Variants in TGFBRAP1 observed in about 807,000 individuals in gnomAD.
TGFBRAP1 encodes transforming growth factor beta receptor associated protein 1.
A neutral mutation model predicts 83.2 loss-of-function variants in TGFBRAP1; 20 were observed. That is an observed-to-expected ratio of 0.24 (90% CI 0.17 to 0.35). TGFBRAP1 has a LOEUF of 0.35. Among genes scored for constraint, TGFBRAP1 ranks in the 10% least tolerant of loss-of-function variants. TGFBRAP1 has a pLI of 1.00. For missense variants in TGFBRAP1, 950 were observed against 1,099.4 expected, an observed-to-expected ratio of 0.86 and a Z score of 1.92; for synonymous variants, 415 against 459.8, an observed-to-expected ratio of 0.90 and a Z score of 1.25.
chr2:105,290,792 G>C (rs914555529), intron 4 of TGFBRAP1, among the ~76,000 whole-genome samples: 5 of 152,116 alleles, frequency 3.3e-5, no homozygotes, highest in Non-Finnish European at 7.4e-5. Flanking sequence ...ATCACCTGAG[G>C]TCAGGAGTTC....
chr2:105,262,878 C>T (rs1002116685), downstream of TGFBRAP1, among the ~76,000 whole-genome samples: 6 of 152,238 alleles, frequency 3.9e-5, no homozygotes, highest in East Asian at 1.2e-3. Context: ...TTGGACGGTG[C>T]TCCAGCCAGT....
intron 1 of TGFBRAP1, among the ~76,000 whole-genome samples, chr2:105,316,184 C>T (rs1573216976): frequency 1.3e-5 from 2 of 151,942 alleles, no homozygotes; most frequent in African/African-American, 4.8e-5. Flanking sequence ...GAACTAGATG[C>T]GTAAGTGGAA....
intron 4 of TGFBRAP1, among the ~76,000 whole-genome samples, chr2:105,291,114 A>T (rs1677897849): frequency 6.6e-6 from 1 of 152,122 alleles, no homozygotes; most frequent in Non-Finnish European, 1.5e-5. Flanking sequence ...CTATGTTGAA[A>T]CTATTCCCCT....
chr2:105,286,961 T>C (rs1677738425), intron 4 of TGFBRAP1, among the ~76,000 whole-genome samples: 1 of 152,188 alleles, frequency 6.6e-6, no homozygotes, highest in Non-Finnish European at 1.5e-5. Context: ...CATGGCTCTT[T>C]ACTATGCACT....
In TGFBRAP1 at chr2:105,267,555, T is replaced by G. The variant is rs772089397; in HGVS notation, c.2411A>C (p.Lys804Thr). The change falls in exon 12 of 12, where the codon AAG becomes ACG. Residue 804 changes from lysine to threonine, a missense_variant. Transcript: ENST00000393359. ...GAGTTGGATTGAGCTTCCTTTCAACTTCATCTGCAAGAAGAAACCAAGACT... is the reference window on the plus strand; with the variant it reads ...GAGTTGGATTGAGCTTCCTTTCAACGTCATCTGCAAGAAGAAACCAAGACT... Reference protein sequence around the residue: ...ENLIYTYDKMKLKGSSIQLSD... With the variant: ...ENLIYTYDKMTLKGSSIQLSD... 1 of 1,614,180 alleles carries G rather than the reference T, an allele frequency of 6.2e-7. No individual in the cohort carries two copies. Among genetic ancestry groups the G allele is most frequent in the East Asian group, 2.2e-5 (1 of 44,878 alleles).
At chr2:105,257,549 T>TA in the TGFBRAP1 span, among the ~76,000 whole-genome samples, 5 of 152,222 alleles carry the variant, frequency 3.3e-5, no homozygotes, top group Non-Finnish European at 5.9e-5. Flanking sequence ...TCACTTGGCA[T>TA]AATGTCCTCA....
chr2:105,282,584 G>A (rs1161156814), intron 5 of TGFBRAP1, among the ~76,000 whole-genome samples: 1 of 152,118 alleles, frequency 6.6e-6, no homozygotes, highest in Non-Finnish European at 1.5e-5. Context: ...CACCACTTTG[G>A]GAGGCTGGGG....
intron 1 of TGFBRAP1, among the ~76,000 whole-genome samples, chr2:105,312,849 C>T (rs1218897052): frequency 6.6e-6 from 1 of 152,176 alleles, no homozygotes; most frequent in African/African-American, 2.4e-5. Flanking sequence ...TGGTGGCTTA[C>T]ACCTGTAATC....
At chr2:105,291,433 T>A (rs1189157591) in intron 4 of TGFBRAP1, among the ~76,000 whole-genome samples, 1 of 152,184 alleles carries the variant, frequency 6.6e-6, no homozygotes. Context: ...AGTAGAGGTG[T>A]AGTTTTTTAA....
downstream of TGFBRAP1, among the ~76,000 whole-genome samples, chr2:105,263,595 G>A (rs1676838113): frequency 6.6e-6 from 1 of 152,138 alleles, no homozygotes; most frequent in Non-Finnish European, 1.5e-5. Context: ...AATACTCGGG[G>A]GGCCAAGCAT....
intron 1 of TGFBRAP1, among the ~76,000 whole-genome samples, chr2:105,312,367 G>T (rs1004497211): frequency 1.3e-5 from 2 of 152,088 alleles, no homozygotes; most frequent in African/African-American, 2.4e-5. Flanking sequence ...TAATTTAAAA[G>T]ATCAACATTT....
chr2:105,322,826 A>T (rs1490617081), intron 1 of TGFBRAP1, among the ~76,000 whole-genome samples: 1 of 152,224 alleles, frequency 6.6e-6, no homozygotes, highest in Non-Finnish European at 1.5e-5. Context: ...TAACTGATGC[A>T]TGACTGTATA....
At position 105,265,563 on chromosome 2, in the gene TGFBRAP1, G is replaced by A. The variant is rs1480444499; in HGVS notation, c.*1820C>T. On this transcript the variant is annotated 3_prime_UTR_variant, in exon 12 of 12. Coordinates refer to ENST00000393359, the MANE Select transcript of TGFBRAP1 (RefSeq NM_004257.6). Reference sequence around the variant, plus strand: ...TTTAATGGCGCAATGTTGCATATACGGGTAACTTGTTCTTTGAGAAATATA... The same window carrying A: ...TTTAATGGCGCAATGTTGCATATACAGGTAACTTGTTCTTTGAGAAATATA... 1 of 152,572 alleles carries A rather than the reference G, an allele frequency of 6.6e-6. No individual in the cohort carries two copies. The highest frequency in any genetic ancestry group is 6.5e-5 in the Admixed American group (1 of 15,270). 9.5% of individuals were successfully genotyped at this position (152,572 alleles called of 1,614,324 possible). A position where few individuals can be genotyped will look rare whatever the true frequency, so the allele number is the denominator to read the frequency against.
intron 3 of TGFBRAP1, among the ~76,000 whole-genome samples, chr2:105,297,565 T>C (rs1678129139): frequency 6.6e-6 from 1 of 152,244 alleles, no homozygotes; most frequent in South Asian, 2.1e-4. Context: ...GGGTAATGTT[T>C]GGTGAACAAA....
downstream of TGFBRAP1, among the ~76,000 whole-genome samples, chr2:105,263,725 T>C (rs1474570690): frequency 1.3e-5 from 2 of 151,996 alleles, no homozygotes; most frequent in African/African-American, 2.4e-5. Flanking sequence ...TAAAAATATA[T>C]ATTTTTTAAA....
intron 4 of TGFBRAP1, among the ~76,000 whole-genome samples, chr2:105,289,458 C>G (rs1416468462): frequency 6.6e-6 from 1 of 152,220 alleles, no homozygotes; most frequent in South Asian, 2.1e-4. Flanking sequence ...CCAGCAGATG[C>G]CCTCCAGAAG....
chr2:105,293,258 T>G (rs1383796164), intron 4 of TGFBRAP1, among the ~76,000 whole-genome samples: 1 of 152,264 alleles, frequency 6.6e-6, no homozygotes, highest in African/African-American at 2.4e-5. Flanking sequence ...GGTAATATTT[T>G]GTGTGTGTGA....
intron 1 of TGFBRAP1, among the ~76,000 whole-genome samples, chr2:105,310,259 C>G (rs963488175): frequency 9.9e-5 from 15 of 152,162 alleles, no homozygotes; most frequent in African/African-American, 3.6e-4. Flanking sequence ...ATCATAAATA[C>G]TATGATTCCC....
chr2:105,294,337 T>TGC (rs1553404604), intron 4 of TGFBRAP1, among the ~76,000 whole-genome samples: 125 of 149,398 alleles, frequency 8.4e-4, no homozygotes, highest in African/African-American at 2.9e-3. Flanking sequence ...TGTGTGTGTG[T>TGC]AAAAGACAAG....
Sources: allele counts gnomAD v4.1 joint callset (sites outside exome capture counted in the v4.1 genomes callset), GRCh38; gene constraint gnomAD v4.1.1; transcripts MANE v1.5; gene names NCBI Gene and HGNC (gene_info 2026-07-23, HGNC 2026-07-21).